The following SIMC1 variants were observed in gnomAD, a reference collection of about 807,000 sequenced individuals.
SIMC1 encodes SUMO-interacting motif-containing protein 1.
In SIMC1, 55 loss-of-function variants were observed where a neutral mutation model predicts 82.3. The ratio of observed to expected loss-of-function variants is 0.67; its 90% confidence interval spans 0.54 to 0.84. The LOEUF (loss-of-function observed/expected upper bound fraction) is 0.84. SIMC1 is among the 40% of genes least tolerant of loss of function. The probability of loss-of-function intolerance (pLI) is 0.00; values close to 1 mark genes in which losing one functional copy is unlikely to be tolerated. For missense variants in SIMC1, 915 were observed against 1,107.2 expected, an observed-to-expected ratio of 0.83 and a Z score of 2.46; for synonymous variants, 353 against 426.3, an observed-to-expected ratio of 0.83 and a Z score of 2.12.
intron 4 of SIMC1, among the ~76,000 whole-genome samples, chr5:176,297,502 CA>C (rs896827211): frequency 0.22 from 8,047 of 36,022 alleles, 45 homozygotes; most frequent in Non-Finnish European, 0.24. Flanking sequence ...AACTCTGTCT[CA>C]AAAAAAAAAA....
intron 1 of SIMC1, among the ~76,000 whole-genome samples, chr5:176,252,629 G>A (rs1205482968): frequency 8.0e-5 from 12 of 150,804 alleles, no homozygotes; most frequent in Admixed American, 6.0e-4. Context: ...GATGGCGGCC[G>A]GGCAGAGACG....
chr5:176,248,855 T>C (rs1250528100), intron 1 of SIMC1, among the ~76,000 whole-genome samples: 8 of 152,160 alleles, frequency 5.3e-5, no homozygotes, highest in Non-Finnish European at 1.2e-4. Flanking sequence ...CTGCATCTAT[T>C]GAGATAATCA....
intron 6 of SIMC1, among the ~76,000 whole-genome samples, chr5:176,324,098 C>G (rs897963180): frequency 4.6e-5 from 7 of 151,948 alleles, no homozygotes; most frequent in South Asian, 2.1e-4. Context: ...CAGGCTGGCT[C>G]TCTCCCACAG....
At chr5:176,282,005 T>G (rs1039717098) in intron 1 of SIMC1, among the ~76,000 whole-genome samples, 3 of 152,170 alleles carry the variant, frequency 2.0e-5, no homozygotes, top group African/African-American at 7.2e-5. Flanking sequence ...ACTGCTGTCT[T>G]TTTGTTTGTC....
chr5:176,318,872 C>A (rs569507776), intron 5 of SIMC1, among the ~76,000 whole-genome samples: 1 of 151,888 alleles, frequency 6.6e-6, no homozygotes, highest in Non-Finnish European at 1.5e-5. Flanking sequence ...TTTGGGAGGC[C>A]GAGGTGGGTG....
At chr5:176,275,956 G>T (rs558396645) in intron 1 of SIMC1, among the ~76,000 whole-genome samples, 2 of 151,622 alleles carry the variant, frequency 1.3e-5, no homozygotes, top group Non-Finnish European at 2.9e-5. Flanking sequence ...GTCTCTGCCC[G>T]GCTTTGGTAT....
intron 1 of SIMC1, among the ~76,000 whole-genome samples, chr5:176,260,659 G>C (rs1272146590): frequency 2.0e-5 from 3 of 152,072 alleles, no homozygotes; most frequent in Non-Finnish European, 4.4e-5. Context: ...GAATTTTGAG[G>C]ATAAAGAGTA....
At chr5:176,253,632 C>A (rs554805463) in intron 1 of SIMC1, among the ~76,000 whole-genome samples, 4 of 152,106 alleles carry the variant, frequency 2.6e-5, no homozygotes, top group African/African-American at 9.7e-5. Flanking sequence ...CTTTTAGCCA[C>A]GTTTGAGCAA....
intron 1 of SIMC1, among the ~76,000 whole-genome samples, chr5:176,275,887 A>C (rs990704498): frequency 1.3e-5 from 2 of 151,654 alleles, no homozygotes; most frequent in Admixed American, 1.3e-4. Context: ...TATTTTATTG[A>C]GGATTTTTGC....
chr5:176,269,782 A>G (rs377517169), intron 1 of SIMC1, among the ~76,000 whole-genome samples: 22 of 152,274 alleles, frequency 1.4e-4, no homozygotes, highest in East Asian at 7.7e-4. Flanking sequence ...GCCTCACTCT[A>G]TTGCCCAGGC....
At position 176,290,103 on chromosome 5, in the gene SIMC1, G is replaced by GAGC. The variant is rs543897254; in HGVS notation, c.596_598dup (p.Ser199dup). 1,600 of 1,605,736 alleles carry GAGC rather than the reference G, an allele frequency of 1.0e-3. 12 individuals carry two copies. The African/African-American group carries it at 0.019, about 19-fold the overall frequency. On this transcript the variant is annotated inframe_insertion, in exon 2 of 10. Coordinates refer to ENST00000429602, the MANE Select transcript of SIMC1 (RefSeq NM_001308195.2). ...TCTCCCCAACAAGCAATAATAGTAG[G>GAGC]AGCAGCAGCAGCAGCAGCAATCAAA...
At chr5:176,304,631 T>C (rs1764202069) in intron 4 of SIMC1, among the ~76,000 whole-genome samples, 2 of 143,524 alleles carry the variant, frequency 1.4e-5, no homozygotes, top group Non-Finnish European at 1.5e-5. Flanking sequence ...GTGAGGAGTG[T>C]CTCTGCCTGG....
intron 4 of SIMC1, among the ~76,000 whole-genome samples, chr5:176,305,136 A>AGCGGGGGGG (rs1428016379): frequency 1.1e-3 from 35 of 32,662 alleles, no homozygotes; most frequent in South Asian, 2.7e-3. Flanking sequence ...GCCATCCAGG[A>AGCGGGGGGG]GGGGGGGGGG....
At chr5:176,291,599 G>A (rs1262011472) in intron 2 of SIMC1, among the ~76,000 whole-genome samples, 3 of 152,072 alleles carry the variant, frequency 2.0e-5, no homozygotes, top group Non-Finnish European at 4.4e-5. Context: ...GCCTCCCAAA[G>A]TGCTAGGATT....
At chr5:176,262,827 T>A (rs1281083797) in intron 1 of SIMC1, among the ~76,000 whole-genome samples, 1 of 151,678 alleles carries the variant, frequency 6.6e-6, no homozygotes, top group African/African-American at 2.4e-5. Context: ...AGTATGTGGA[T>A]TGGGAAGGAA....
At chr5:176,332,476 G>A (rs921627991) in intron 7 of SIMC1, among the ~76,000 whole-genome samples, 3 of 152,078 alleles carry the variant, frequency 2.0e-5, no homozygotes, top group African/African-American at 7.2e-5. Flanking sequence ...TTTTAGTAGA[G>A]ACGGGGTTTC....
chr5:176,260,613 G>GAAA (rs34163833), intron 1 of SIMC1, among the ~76,000 whole-genome samples: 1 of 151,440 alleles, frequency 6.6e-6, no homozygotes, highest in Non-Finnish European at 1.5e-5. Context: ...GTTAAAAAAG[G>GAAA]AAAAAAAATG....
intron 1 of SIMC1, among the ~76,000 whole-genome samples, chr5:176,279,361 T>C (rs1268450627): frequency 6.6e-6 from 1 of 152,212 alleles, no homozygotes; most frequent in African/African-American, 2.4e-5. Context: ...GATTCTTCTC[T>C]CTTTTTTTCT....
At chr5:176,307,291 C>T (rs553934248) in intron 4 of SIMC1, among the ~76,000 whole-genome samples, 2 of 152,282 alleles carry the variant, frequency 1.3e-5, no homozygotes, top group South Asian at 4.1e-4. Context: ...TTCAGTTTTG[C>T]AAGATTAAAA....
Sources: gnomAD v4.1 joint callset for allele counts (sites outside exome capture counted in the v4.1 genomes callset) on GRCh38, gnomAD v4.1.1 for gene constraint, MANE v1.5 for transcripts, NCBI Gene and HGNC (gene_info 2026-07-23, HGNC 2026-07-21) for gene names.